Variants in PRKD2 observed in about 807,000 individuals in gnomAD.
PRKD2 encodes the protein protein kinase D2.
In PRKD2, 22 loss-of-function variants were observed where a neutral mutation model predicts 86.0. The observed-to-expected ratio is 0.26, with a 90% confidence interval of 0.18 to 0.37. The LOEUF is 0.37. PRKD2 is among the 10% of genes least tolerant of loss of function. The pLI, the probability that PRKD2 is intolerant of heterozygous loss-of-function variation, is 1.00. For synonymous variants in PRKD2, 509 were observed against 510.9 expected, an observed-to-expected ratio of 1.00 and a Z score of 0.05; for missense variants, 818 against 1,199.2, an observed-to-expected ratio of 0.68 and a Z score of 4.70.
At chr19:46,686,199 A>G (rs1050975781) in intron 14 of PRKD2, 1 of 152,052 alleles carries the variant, frequency 6.6e-6, no homozygotes, top group Non-Finnish European at 1.5e-5. Flanking sequence ...GATATTTAAC[A>G]TCGTAAAAGT....
chr19:46,700,849 A>G lies in PRKD2; in HGVS notation c.1071T>C (p.Asn357=), dbSNP rs1284436645. ...SGVIPGSHSE[N]ALHASEEEEG... is the part of the protein sequence containing the mutation. The stretch of plus-strand genomic sequence containing the variant: ...CCTCCTCCTCACTGGCGTGGAGCGC[A>G]TTCTCTGAGTGGGAGCCAGGGATGA... Residue 357 remains asparagine (N), a synonymous_variant, in exon 7 of 18, where the codon AAT becomes AAC. Transcript: ENST00000291281. The G allele has an allele frequency of 1.9e-6, 3 of 1,614,048 alleles. No homozygotes were observed. The highest frequency in any genetic ancestry group is 2.7e-5 in the African/African-American group (2 of 74,902).
intron 14 of PRKD2, among the ~76,000 whole-genome samples, chr19:46,687,374 A>G (rs2053415916): frequency 6.6e-6 from 1 of 151,372 alleles, no homozygotes; most frequent in Admixed American, 6.6e-5. Context: ...CTCGGGTGAC[A>G]GAGCGAGACC....
At chr19:46,695,728 A>AG (rs1242098923) in intron 9 of PRKD2, among the ~76,000 whole-genome samples, 1 of 152,156 alleles carries the variant, frequency 6.6e-6, no homozygotes, top group Non-Finnish European at 1.5e-5. Context: ...GTGTCAAAAG[A>AG]GGAAGGAGGG....
At chr19:46,690,796 C>T (rs76735216) in intron 12 of PRKD2, 90 bp from the exon 13 acceptor site, 3 of 1,202,918 alleles carry the variant, frequency 2.5e-6, no homozygotes, top group African/African-American at 3.0e-5. Flanking sequence ...CCTCTGCCCC[C>T]CACCATGGAG....
At chr19:46,674,887 C>A (rs1256872401) in intron 17 of PRKD2, 146 bp downstream of exon 17, 8 of 1,161,610 alleles carry the variant, frequency 6.9e-6, no homozygotes, top group Admixed American at 6.6e-5. Context: ...TCCACCCCCT[C>A]TTCCTGCACC....
chr19:46,682,352 A>C (rs2053320386), intron 14 of PRKD2, among the ~76,000 whole-genome samples: 1 of 151,816 alleles, frequency 6.6e-6, no homozygotes, highest in Admixed American at 6.6e-5. Flanking sequence ...ACAGGGTTTC[A>C]CCATGTTGAC....
In PRKD2 at chr19:46,674,690, C is replaced by T. The variant is rs774992717; in HGVS notation, c.2470G>A (p.Gly824Arg). The change falls in exon 18 of 18, where the codon GGA becomes AGA. Residue 824 changes from glycine to arginine, a missense_variant. This residue lies in a region of PRKD2 where 132 missense variants were observed against 146.2 expected (regional missense o/e 0.90). Coordinates refer to ENST00000291281, the MANE Select transcript of PRKD2 (RefSeq NM_016457.5). The part of the protein sequence containing the change: ...LDLRELEGKM[G>R]ERYITHESDD... ...CTCTCATGCGTGATGTATCGCTCTC[C>T]CATCTTCCCCTCCAGCTCTCGGAGG... is the stretch of plus-strand genomic sequence containing the variant. 2 of 1,606,216 alleles carry T rather than the reference C, an allele frequency of 1.2e-6. No homozygotes were observed. The highest frequency in any genetic ancestry group is 3.3e-5 in the Admixed American group (2 of 59,994).
chr19:46,705,312 C>T (rs1391175716), intron 3 of PRKD2, among the ~76,000 whole-genome samples: 1 of 152,052 alleles, frequency 6.6e-6, no homozygotes, highest in Admixed American at 6.6e-5. Context: ...CCTGACCTTC[C>T]TTTTTCTGAG....
chr19:46,675,183 C>T (rs1478347767), intron 16 of PRKD2, 65 bp from the exon 17 acceptor site: 1 of 1,387,626 alleles, frequency 7.2e-7, no homozygotes. Flanking sequence ...CCAATAGGCA[C>T]CCCCTAGCCT....
chr19:46,713,819 CCCCCACCCGAGG>C (rs1231308421), intron 2 of PRKD2, 32 bp downstream of exon 2: 1 of 1,321,432 alleles, frequency 7.6e-7, no homozygotes, highest in Non-Finnish European at 1.0e-6. Flanking sequence ...AGATGCCCCG[CCCCCACCCGAGG>C]CCCCGCCCCC....
intron 5 of PRKD2, among the ~76,000 whole-genome samples, chr19:46,703,958 A>AACACACACACACACACAC (rs10528388): frequency 0.037 from 4,897 of 133,576 alleles, 148 homozygotes; most frequent in Middle Eastern, 0.051. Context: ...AAACAACAAC[A>AACACACACACACACACAC]ACACACACAC....
rs1363330471 is a variant in PRKD2, at chr19:46,716,528, G to A, written c.-158C>T. ...GGCAGGCGGAGGGGACCTGAGGATG[G>A]CGGGGTCCTGGGAAGGAGAGAAAGG... On this transcript the variant is annotated 5_prime_UTR_variant, in exon 1 of 18. Transcript: ENST00000291281. The surrounding 1 kb of genome is among the most constrained non-coding windows in gnomAD (Gnocchi z 7.9). 3 of 501,808 alleles carry A rather than the reference G, an allele frequency of 6.0e-6. No individual in the cohort carries two copies. Among genetic ancestry groups the A allele is most frequent in the African/African-American group, 4.1e-5 (2 of 48,934 alleles). The allele number at this position is 501,808 out of a possible 1,614,324, so 31.1% of individuals were successfully genotyped here.
At position 46,711,030 on chromosome 19, in the gene PRKD2, T is replaced by A; in HGVS notation, c.388A>T (p.Thr130Ser). 6.3e-7 allele frequency: 1 copy of A among 1,581,246 alleles called. No individual in the cohort carries two copies. The highest frequency in any genetic ancestry group is 8.6e-7 in the Non-Finnish European group (1 of 1,163,484). Residue 130 changes from threonine (T) to serine (S), a missense_variant, in exon 3 of 18, where the codon ACC becomes TCC. Around this residue, in one of 5 missense-constraint regions of PRKD2, gnomAD observed 403 missense variants for 518.6 expected, o/e 0.78. Coordinates refer to ENST00000291281, the MANE Select transcript of PRKD2 (RefSeq NM_016457.5). ...LVEVVLSASA[T>S]FEDFQIRPHA... is the part of the protein sequence containing the mutation. ...GGGCGGATCTGGAAGTCCTCGAAGG[T>A]GGCCGAGGCTGTAGGCGGAAAATAG... is the stretch of plus-strand genomic sequence containing the variant.
intron 3 of PRKD2, among the ~76,000 whole-genome samples, chr19:46,705,544 T>C (rs2053702496): frequency 6.6e-6 from 1 of 152,080 alleles, no homozygotes; most frequent in Non-Finnish European, 1.5e-5. Context: ...CCCAGCACTT[T>C]GGGAGGCCAA....
At chr19:46,695,172 C>A (rs2053538937) in intron 9 of PRKD2, among the ~76,000 whole-genome samples, 1 of 151,022 alleles carries the variant, frequency 6.6e-6, no homozygotes, top group Non-Finnish European at 1.5e-5. Flanking sequence ...ACCTGGGAGA[C>A]AGGGCAAGAG....
At chr19:46,712,866 A>G (rs1251183157) in intron 2 of PRKD2, among the ~76,000 whole-genome samples, 1 of 152,206 alleles carries the variant, frequency 6.6e-6, no homozygotes, top group Non-Finnish European at 1.5e-5. Context: ...TAGTGAGTGG[A>G]TGAACTGGCT....
chr19:46,693,813 C>T lies in PRKD2; in HGVS notation c.1576+62G>A, dbSNP rs1189823861. ...CTTTCCTCTTTGGCCCTTCCATTCC[C>T]CAGAACCGTGCCCCACCCATCTAGA... On this transcript the variant is annotated intron_variant, in intron 10 of 17. Transcript: ENST00000291281. This position sits in a 1 kb window ranked among gnomAD's most constrained non-coding sequence, Gnocchi z 4.5. 2 of 1,527,342 alleles carry T rather than the reference C, an allele frequency of 1.3e-6. No individual in the cohort carries two copies. The highest frequency in any genetic ancestry group is 2.7e-5 in the African/African-American group (2 of 73,114). The allele number at this position is 1,527,342 out of a possible 1,614,324, so 94.6% of individuals were successfully genotyped here.
chr19:46,706,190 C>T (rs1249767220), intron 3 of PRKD2, among the ~76,000 whole-genome samples: 1 of 152,128 alleles, frequency 6.6e-6, no homozygotes, highest in East Asian at 1.9e-4. Flanking sequence ...AATCCTCATC[C>T]ATGGAGAAAT....
At chr19:46,711,102 C>T (rs1272206019) in intron 2 of PRKD2, 64 bp from the exon 3 acceptor site, 1 of 1,511,464 alleles carries the variant, frequency 6.6e-7, no homozygotes, top group East Asian at 2.5e-5. Context: ...CCAGACCCCA[C>T]GTTCCCTGAT....
Sources: allele counts gnomAD v4.1 joint callset (sites outside exome capture counted in the v4.1 genomes callset), GRCh38; gene constraint gnomAD v4.1.1; regional missense constraint gnomAD v4.1.1; non-coding constraint Gnocchi (gnomAD v3.1); transcripts MANE v1.5; gene names NCBI Gene and HGNC (gene_info 2026-07-23, HGNC 2026-07-21).